RABEP1: variants seen among roughly 807,000 people sequenced by gnomAD.
The protein encoded by RABEP1 is rab GTPase-binding effector protein 1.
A neutral mutation model predicts 123.4 loss-of-function variants in RABEP1; 51 were observed. The ratio of observed to expected loss-of-function variants is 0.41; its 90% CI spans 0.33 to 0.52. RABEP1 has a LOEUF of 0.52. RABEP1 is among the 20% of genes least tolerant of loss of function. The pLI is 0.16. For missense variants in RABEP1, 888 were observed against 996.3 expected, an observed-to-expected ratio of 0.89 and a Z score of 1.46; for synonymous variants, 347 against 355.2, an observed-to-expected ratio of 0.98 and a Z score of 0.26.
At chr17:5,357,433 G>A (rs549519503) in intron 8 of RABEP1, among the ~76,000 whole-genome samples, 161 of 151,986 alleles carry the variant, frequency 1.1e-3, no homozygotes, top group South Asian at 1.9e-3. Flanking sequence ...GTGCTATGGC[G>A]TGATCTTGGC....
At chr17:5,343,537 G>T (rs1402432651) in intron 5 of RABEP1, among the ~76,000 whole-genome samples, 1 of 152,104 alleles carries the variant, frequency 6.6e-6, no homozygotes, top group Admixed American at 6.6e-5. Context: ...TCCAGCCCGG[G>T]AGACAGGTTT....
chr17:5,334,060 T>C (rs1906815674), intron 3 of RABEP1, among the ~76,000 whole-genome samples: 1 of 151,816 alleles, frequency 6.6e-6, no homozygotes, highest in South Asian at 2.1e-4. Flanking sequence ...GTTTTTTTTT[T>C]TTTTTTTGAG....
intron 13 of RABEP1, among the ~76,000 whole-genome samples, chr17:5,375,122 T>C (rs1329811299): frequency 6.6e-6 from 1 of 151,900 alleles, no homozygotes; most frequent in Non-Finnish European, 1.5e-5. Flanking sequence ...TTTTTCCTTT[T>C]TAAGGAAATC....
Position 5,384,698 on chromosome 17 carries a change from G to A in RABEP1, c.*1475G>A, listed in dbSNP as rs1058381. 0.44 allele frequency: 92,792 copies of A among 212,076 alleles called. 21,902 individuals are homozygous for A. Among genetic ancestry groups the A allele is most frequent in the East Asian group, 0.84 (11,458 of 13,704 alleles). The allele number at this position is 212,076 out of a possible 1,614,324, so 13.1% of individuals were successfully genotyped here. ...TTATTATTGTAGTCTTGCATTCATG[G>A]TTATGAATTTAAAAATAAATACCAA... On this transcript the variant is annotated 3_prime_UTR_variant, in exon 18 of 18. Transcript: ENST00000537505.
intron 6 of RABEP1, among the ~76,000 whole-genome samples, chr17:5,349,479 C>T (rs1379782058): frequency 6.6e-6 from 1 of 152,134 alleles, no homozygotes; most frequent in Non-Finnish European, 1.5e-5. Flanking sequence ...TACCTATTCT[C>T]TTTTTAGCAG....
chr17:5,383,771 T>C lies in RABEP1; in HGVS notation c.*548T>C. 4.4e-6 allele frequency: 1 copy of C among 225,654 alleles called. No homozygotes were observed. The allele number at this position is 225,654 out of a possible 1,614,324, so 14.0% of individuals were successfully genotyped here. A position where few individuals can be genotyped will look rare whatever the true frequency, so the allele number is the denominator to read the frequency against. ...TTCCTTTTACCATTTTATCTTATCT[T>C]GCTTTGGAGGACCTTAAATGCTACT... On this transcript the variant is annotated 3_prime_UTR_variant, in exon 18 of 18. Transcript: ENST00000537505.
intron 2 of RABEP1, among the ~76,000 whole-genome samples, chr17:5,323,759 AATATATATATATATCTAGGAATATATAT>A (rs1567522068): frequency 1.5e-5 from 1 of 66,038 alleles, no homozygotes; most frequent in Non-Finnish European, 3.0e-5. Flanking sequence ...TATATCTAGG[AATATATATATATATCTAGGAATATATAT>A]ATATATCTAG....
intron 10 of RABEP1, among the ~76,000 whole-genome samples, chr17:5,363,902 A>C (rs1263319006): frequency 6.6e-6 from 1 of 152,212 alleles, no homozygotes; most frequent in African/African-American, 2.4e-5. Context: ...TTAGGAAATA[A>C]TGTAGAAATT....
intron 2 of RABEP1, among the ~76,000 whole-genome samples, chr17:5,316,006 A>G (rs932386783): frequency 1.3e-5 from 2 of 152,252 alleles, no homozygotes; most frequent in African/African-American, 4.8e-5. Flanking sequence ...TAGATGCCAG[A>G]AGACAATGAA....
At chr17:5,379,949 G>A (rs1351835434) in intron 15 of RABEP1, among the ~76,000 whole-genome samples, 1 of 152,168 alleles carries the variant, frequency 6.6e-6, no homozygotes, top group Admixed American at 6.5e-5. Context: ...GTTGCTGCAT[G>A]TGTTTTTAGT....
intron 8 of RABEP1, among the ~76,000 whole-genome samples, chr17:5,359,012 T>C (rs1909263096): frequency 6.6e-6 from 1 of 151,972 alleles, no homozygotes; most frequent in South Asian, 2.1e-4. Context: ...TCCTCCCACC[T>C]CAGCCTCCCA....
rs1909921086 is a variant in RABEP1 at position 5,365,316 on chromosome 17, T to C, written c.1785+78T>C. On this transcript the variant is annotated intron_variant, in intron 11 of 17. Transcript: ENST00000537505. ...ATGAAAGATTCAAAAAATATAGTCA[T>C]GTTTTTTTTTGCCTTGAAGATTTGG... is the stretch of plus-strand genomic sequence containing the variant. 3.0e-6 allele frequency: 3 copies of C among 1,006,560 alleles called. No homozygotes were observed. The South Asian group carries it at 6.7e-5, about 22-fold the overall frequency. 62.4% of individuals were successfully genotyped at this position (1,006,560 alleles called of 1,614,324 possible).
chr17:5,303,515 T>G (rs749346608), intron 1 of RABEP1, among the ~76,000 whole-genome samples: 1 of 152,212 alleles, frequency 6.6e-6, no homozygotes, highest in Non-Finnish European at 1.5e-5. Flanking sequence ...GTGCTAGGAT[T>G]ACAGGCATGA....
intron 1 of RABEP1, among the ~76,000 whole-genome samples, chr17:5,290,911 T>G (rs1357122583): frequency 6.6e-6 from 1 of 152,228 alleles, no homozygotes. Context: ...ATTATATTTT[T>G]TAATCCTTCT....
At chr17:5,344,453 A>G (rs982590553) in intron 5 of RABEP1, among the ~76,000 whole-genome samples, 1 of 152,122 alleles carries the variant, frequency 6.6e-6, no homozygotes, top group African/African-American at 2.4e-5. Flanking sequence ...TGCCAAGTCC[A>G]CAAGTGACAG....
chr17:5,361,143 A>G, intron 8 of RABEP1, 65 bp from the exon 9 acceptor site: 2 of 1,357,662 alleles, frequency 1.5e-6, no homozygotes, highest in Non-Finnish European at 2.0e-6. Flanking sequence ...TACATTTATT[A>G]TAGTTTTTGT....
At chr17:5,373,243 T>C in intron 12 of RABEP1, 71 bp from the exon 13 acceptor site, 2 of 1,472,944 alleles carry the variant, frequency 1.4e-6, no homozygotes, top group Non-Finnish European at 1.8e-6. Context: ...TGGACTTGTT[T>C]TTCTCTGGTG....
At chr17:5,313,721 G>A (rs184696409) in intron 2 of RABEP1, among the ~76,000 whole-genome samples, 22 of 152,216 alleles carry the variant, frequency 1.4e-4, no homozygotes, top group Admixed American at 8.5e-4. Context: ...TGTCCAGAGC[G>A]CTCAGTAAAC....
At chr17:5,285,289 CTTTTTTTCTTTTTT>C (rs1221239129) in intron 1 of RABEP1, among the ~76,000 whole-genome samples, 1 of 149,062 alleles carries the variant, frequency 6.7e-6, no homozygotes, top group African/African-American at 2.5e-5. Context: ...TTTTACTTCA[CTTTTTTTCTTTTTT>C]TTTTTTTTCT....
Sources: gnomAD v4.1 joint callset for allele counts (sites outside exome capture counted in the v4.1 genomes callset) on GRCh38, gnomAD v4.1.1 for gene constraint, MANE v1.5 for transcripts, NCBI Gene and HGNC (gene_info 2026-07-23, HGNC 2026-07-21) for gene names.